Variants in FRMD5 observed in about 807,000 individuals in gnomAD.
The protein encoded by FRMD5 is FERM domain containing 5.
A neutral mutation model predicts 69.0 loss-of-function variants in FRMD5; 20 were observed. The ratio of observed to expected loss-of-function variants is 0.29; its 90% CI spans 0.20 to 0.42. FRMD5 has a LOEUF of 0.42. Ranked by LOEUF, FRMD5 falls within the 10% of genes least tolerant of loss-of-function variation. The probability of loss-of-function intolerance (pLI) is 1.00; values close to 1 mark genes in which losing one functional copy is unlikely to be tolerated. For synonymous variants in FRMD5, 271 were observed against 260.1 expected (o/e 1.04, Z -0.40); for missense variants, 595 against 708.6 (o/e 0.84, Z 1.82).
chr15:43,990,066 T>C (rs373317134), intron 1 of FRMD5: 2 of 715,936 alleles, frequency 2.8e-6, no homozygotes, highest in African/African-American at 3.5e-5. Flanking sequence ...CGCCCTGGTG[T>C]CTGGGGCGCC....
At chr15:44,164,535 C>G (rs756163169) in intron 1 of FRMD5, among the ~76,000 whole-genome samples, 1 of 152,094 alleles carries the variant, frequency 6.6e-6, no homozygotes, top group Non-Finnish European at 1.5e-5. Context: ...TAAGAGGCAA[C>G]AGACAGTAAA....
At chr15:43,910,012 A>C (rs757769127) in intron 4 of FRMD5, 33 bp from the exon 5 acceptor site, 2 of 1,210,736 alleles carry the variant, frequency 1.7e-6, no homozygotes, top group Admixed American at 3.5e-5. Flanking sequence ...ACTATAAAGG[A>C]TTTCTTTGAT....
At chr15:44,002,688 C>T (rs1299345414) in intron 1 of FRMD5, among the ~76,000 whole-genome samples, 1 of 152,120 alleles carries the variant, frequency 6.6e-6, no homozygotes, top group Non-Finnish European at 1.5e-5. Context: ...CTTTTCCATA[C>T]AATGTCTGGA....
intron 1 of FRMD5, among the ~76,000 whole-genome samples, chr15:44,104,099 AG>A (rs1338389860): frequency 2.6e-5 from 4 of 152,186 alleles, no homozygotes; most frequent in African/African-American, 9.7e-5. Flanking sequence ...CAAGATATGG[AG>A]ATTGAAGACA....
intron 1 of FRMD5, among the ~76,000 whole-genome samples, chr15:44,078,603 T>C (rs1004422272): frequency 2.6e-5 from 4 of 152,052 alleles, no homozygotes; most frequent in Non-Finnish European, 4.4e-5. Context: ...AGGAATAAAA[T>C]AGAGCCCAGA....
chr15:44,092,165 T>A (rs2076482857), intron 1 of FRMD5, among the ~76,000 whole-genome samples: 1 of 152,206 alleles, frequency 6.6e-6, no homozygotes, highest in African/African-American at 2.4e-5. Context: ...GGGAATCTAG[T>A]CCCTTGATTG....
At chr15:44,145,730 C>T (rs528150266) in intron 1 of FRMD5, among the ~76,000 whole-genome samples, 2 of 152,126 alleles carry the variant, frequency 1.3e-5, no homozygotes, top group Non-Finnish European at 2.9e-5. Flanking sequence ...GTTTGATAAG[C>T]AGCAGGAACA....
chr15:44,013,948 C>G (rs2140227236), intron 1 of FRMD5, among the ~76,000 whole-genome samples: 1 of 152,032 alleles, frequency 6.6e-6, no homozygotes, highest in East Asian at 1.9e-4. Flanking sequence ...GCTCCACCCC[C>G]TGGGTTCACA....
At chr15:43,874,815 G>T (rs2088282396) in intron 13 of FRMD5, among the ~76,000 whole-genome samples, 1 of 152,020 alleles carries the variant, frequency 6.6e-6, no homozygotes, top group Non-Finnish European at 1.5e-5. Flanking sequence ...CAGGAGAATC[G>T]CTTGAACCCG....
At chr15:44,125,430 A>T (rs1231688539) in intron 1 of FRMD5, among the ~76,000 whole-genome samples, 1 of 152,236 alleles carries the variant, frequency 6.6e-6, no homozygotes, top group Non-Finnish European at 1.5e-5. Flanking sequence ...TTACCATAGT[A>T]CCTTGTGCTC....
chr15:43,934,714 G>A (rs1172406100), intron 1 of FRMD5, among the ~76,000 whole-genome samples: 1 of 152,142 alleles, frequency 6.6e-6, no homozygotes, highest in African/African-American at 2.4e-5. Flanking sequence ...TCTAATGCCC[G>A]CCTCCAGCCT....
At chr15:43,991,586 A>C (rs1392478682) in intron 1 of FRMD5, among the ~76,000 whole-genome samples, 1 of 152,244 alleles carries the variant, frequency 6.6e-6, no homozygotes, top group African/African-American at 2.4e-5. Flanking sequence ...CCCTCCCAGG[A>C]CAAGGCATTT....
rs568846620 is a variant in FRMD5, at chr15:43,991,885, C to T, written c.103-67576G>A. Among the ~76,000 whole-genome samples, 8 of 152,242 alleles carry T rather than the reference C, an allele frequency of 5.3e-5. No individual in the cohort carries two copies. The East Asian group carries it at 1.5e-3, about 29-fold the overall frequency. On this transcript the variant is annotated intron_variant, in intron 1 of 13. Transcript: ENST00000417257. ...CTCTAACACAGCGCAGTGTCCTAGC[C>T]CTGCATCCTTTTACTAATTAGTAGG... is the stretch of plus-strand genomic sequence containing the variant.
intron 1 of FRMD5, among the ~76,000 whole-genome samples, chr15:43,976,424 C>G (rs1284278082): frequency 6.6e-6 from 1 of 151,960 alleles, no homozygotes; most frequent in African/African-American, 2.4e-5. Flanking sequence ...TAAAAAGAAC[C>G]CTCAACATTC....
At chr15:44,040,121 G>C (rs763467508) in intron 1 of FRMD5, among the ~76,000 whole-genome samples, 13 of 151,916 alleles carry the variant, frequency 8.6e-5, no homozygotes, top group African/African-American at 1.4e-4. Flanking sequence ...GACAAGATTA[G>C]AGAAATAAGA....
In FRMD5 at chr15:43,873,380, G is replaced by A; in HGVS notation, c.*505C>T. On this transcript the variant is annotated 3_prime_UTR_variant, in exon 14 of 14. Coordinates refer to ENST00000417257, the MANE Select transcript of FRMD5 (RefSeq NM_032892.5). Reference sequence around the variant, plus strand: ...AAAACTAAACAGTCCCCATTGTCCAGATCCCTGGCCTGCCCTGCTGAGGCT... The same window carrying A: ...AAAACTAAACAGTCCCCATTGTCCAAATCCCTGGCCTGCCCTGCTGAGGCT... 6.9e-7 allele frequency: 1 copy of A among 1,451,544 alleles called. No homozygotes were observed. The allele number at this position is 1,451,544 out of a possible 1,614,324, so 89.9% of individuals were successfully genotyped here.
chr15:43,917,864 C>G (rs1047805313), intron 4 of FRMD5: 2 of 152,300 alleles, frequency 1.3e-5, no homozygotes, highest in African/African-American at 4.8e-5. Flanking sequence ...TCTAGCTACA[C>G]TCTTCACTGT....
At chr15:44,140,433 T>C (rs1326652075) in intron 1 of FRMD5, among the ~76,000 whole-genome samples, 6 of 152,044 alleles carry the variant, frequency 3.9e-5, no homozygotes, top group Admixed American at 3.9e-4. Context: ...GTCAAGAAGA[T>C]AATAAAGATA....
intron 1 of FRMD5, among the ~76,000 whole-genome samples, chr15:44,038,846 G>T (rs187752988): frequency 6.6e-5 from 10 of 152,212 alleles, no homozygotes; most frequent in African/African-American, 2.2e-4. Flanking sequence ...TTTTCCCATG[G>T]TCTTCACAAC....
Sources: allele counts gnomAD v4.1 joint callset (sites outside exome capture counted in the v4.1 genomes callset), GRCh38; gene constraint gnomAD v4.1.1; transcripts MANE v1.5; gene names NCBI Gene and HGNC (gene_info 2026-07-23, HGNC 2026-07-21).